ANK2: variants seen among roughly 807,000 people sequenced by gnomAD.
The protein encoded by ANK2 is ankyrin 2.
Under a neutral mutation model 360.5 loss-of-function variants are expected in ANK2, and 83 were observed. The ratio of observed to expected loss-of-function variants is 0.23; its 90% confidence interval spans 0.19 to 0.28. The LOEUF is 0.28. ANK2 is among the 10% of genes least tolerant of loss of function. ANK2 has a pLI of 1.00. For missense variants in ANK2, 4,201 were observed against 4,795.7 expected, an observed-to-expected ratio of 0.88 and a Z score of 3.66; for synonymous variants, 1,740 against 1,759.5, an observed-to-expected ratio of 0.99 and a Z score of 0.28.
At chr4:112,995,724 A>G (rs780568637) in intron 2 of ANK2, among the ~76,000 whole-genome samples, 6 of 152,088 alleles carry the variant, frequency 3.9e-5, no homozygotes, top group Admixed American at 6.6e-5. Flanking sequence ...ATAGTTTTAG[A>G]TCTTACATTT....
the ANK2 span, among the ~76,000 whole-genome samples, chr4:112,780,606 A>G: frequency 6.6e-6 from 1 of 152,208 alleles, no homozygotes; most frequent in South Asian, 2.1e-4. Context: ...ACAGCTATGA[A>G]GATACTACCG....
At chr4:113,332,156 G>A (rs2092614198) in intron 28 of ANK2, 86 bp downstream of exon 28, 1 of 1,223,146 alleles carries the variant, frequency 8.2e-7, no homozygotes, top group Non-Finnish European at 1.2e-6. Flanking sequence ...TTTTGTCATT[G>A]TGCCCATGAC....
In ANK2 at chr4:113,058,231, A is replaced by C. The variant is rs184801136; in HGVS notation, c.84+8419A>C. Among the ~76,000 whole-genome samples, 202 of 152,278 alleles carry C rather than the reference A, an allele frequency of 1.3e-3. 2 individuals are homozygous for C. Among genetic ancestry groups the C allele is most frequent in the Middle Eastern group, 0.01 (3 of 294 alleles). ...GGAATAAAGGGGTGTTTTTGAAATA[A>C]AACTATAGAAACAGAGCTAAGTGTT... On this transcript the variant is annotated intron_variant, in intron 1 of 45. Transcript: ENST00000357077.
chr4:112,936,542 T>A lies in ANK2; in HGVS notation c.21+32028T>A, dbSNP rs1197547495. On this transcript the variant is annotated intron_variant, in intron 2 of 30. Coordinates refer to the ANK2 transcript ENST00000503271. ...TGTATTTTTAGTAGAGATAGGGTTT[T>A]ACCATGTGGATCAGGCTGGTCTCGA... Among the ~76,000 whole-genome samples, 19 of 152,166 alleles carry A rather than the reference T, an allele frequency of 1.2e-4. No individual in the cohort carries two copies. The East Asian group carries it at 3.5e-3, about 28-fold the overall frequency.
intron 2 of ANK2, among the ~76,000 whole-genome samples, chr4:112,927,719 T>A (rs188367660): frequency 4.6e-5 from 7 of 152,356 alleles, no homozygotes; most frequent in African/African-American, 1.4e-4. Flanking sequence ...ACTATAGTCA[T>A]AAACTCCATT....
chr4:113,078,478 T>C (rs982527048), intron 1 of ANK2, among the ~76,000 whole-genome samples: 1 of 152,218 alleles, frequency 6.6e-6, no homozygotes, highest in Non-Finnish European at 1.5e-5. Flanking sequence ...GAGTTACTGG[T>C]AACTTAGGGG....
At chr4:113,374,177 GC>G (rs1442519959) in intron 45 of ANK2, among the ~76,000 whole-genome samples, 2 of 152,166 alleles carry the variant, frequency 1.3e-5, no homozygotes, top group Non-Finnish European at 2.9e-5. Context: ...ACCCGCCTCA[GC>G]CTCCCAAAGT....
chr4:112,754,440 G>T, the ANK2 span, among the ~76,000 whole-genome samples: 1 of 151,156 alleles, frequency 6.6e-6, no homozygotes, highest in African/African-American at 2.4e-5. Context: ...AAAAGCAGAG[G>T]TAGCAAACTG....
chr4:112,997,050 G>A lies in ANK2; in HGVS notation c.21+92536G>A, dbSNP rs1188220978. On this transcript the variant is annotated intron_variant, in intron 2 of 30. Transcript: ENST00000503271. ...AGATTATGACAAAGTTTATTTTCCT[G>A]TATTTTTCAAACTGCACATATGTCC... 2.6e-5 allele frequency among the ~76,000 whole-genome samples: 4 copies of A among 151,566 alleles called. No homozygotes were observed. In the South Asian group the frequency reaches 6.2e-4, roughly 24 times the overall value.
intron 1 of ANK2, among the ~76,000 whole-genome samples, chr4:113,163,975 AC>A (rs2097659935): frequency 6.6e-6 from 1 of 151,424 alleles, no homozygotes; most frequent in Non-Finnish European, 1.5e-5. Flanking sequence ...CCATTTCTCT[AC>A]CCCCTCCCCC....
intron 31 of ANK2, among the ~76,000 whole-genome samples, chr4:113,337,520 C>T (rs901778735): frequency 1.3e-5 from 2 of 152,120 alleles, no homozygotes; most frequent in African/African-American, 4.8e-5. Flanking sequence ...TCAATAATTA[C>T]ATGGTGTTGG....
the ANK2 span, among the ~76,000 whole-genome samples, chr4:112,810,141 ATATATATATATATATATATTTTTTTTT>A: frequency 7.7e-5 from 2 of 26,058 alleles, no homozygotes; most frequent in African/African-American, 4.9e-4. Context: ...ATATATATAT[ATATATATATATATATATATTTTTTTTT>A]TTTTTTTTTT....
the ANK2 span, among the ~76,000 whole-genome samples, chr4:112,786,655 G>T: frequency 6.6e-6 from 1 of 151,478 alleles, no homozygotes; most frequent in African/African-American, 2.4e-5. Flanking sequence ...CTCCTGAAGT[G>T]TTGGGATTAT....
chr4:112,930,031 A>G (rs1048283417), intron 2 of ANK2, among the ~76,000 whole-genome samples: 3 of 152,170 alleles, frequency 2.0e-5, no homozygotes, highest in Non-Finnish European at 4.4e-5. Context: ...TTTGCTTCCA[A>G]TGTCACATAA....
At chr4:113,274,809 A>G (rs2059652112) in intron 15 of ANK2, among the ~76,000 whole-genome samples, 160 bp downstream of exon 15, 1 of 152,216 alleles carries the variant, frequency 6.6e-6, no homozygotes, top group African/African-American at 2.4e-5. Context: ...ATTTAATAGA[A>G]TTGTGAGATT....
At chr4:112,906,266 A>G (rs1244506945) in intron 2 of ANK2, among the ~76,000 whole-genome samples, 4 of 152,204 alleles carry the variant, frequency 2.6e-5, no homozygotes, top group African/African-American at 7.2e-5. Context: ...AGTTTTACAT[A>G]TAAATGTCCT....
the ANK2 span, among the ~76,000 whole-genome samples, chr4:112,735,910 C>CATA: frequency 6.6e-6 from 1 of 152,104 alleles, no homozygotes; most frequent in Admixed American, 6.6e-5. Flanking sequence ...ATAGGTGACT[C>CATA]ATATAAGTGG....
intron 1 of ANK2, among the ~76,000 whole-genome samples, chr4:112,845,684 G>GTGTGGGTTTAATAT: frequency 1.3e-5 from 2 of 152,280 alleles, no homozygotes; most frequent in Admixed American, 1.3e-4. Flanking sequence ...CCCTTCCTTT[G>GTGTGGGTTTAATAT]TGTCTGTGTG....
intron 28 of ANK2, 36 bp downstream of exon 28, chr4:113,332,106 C>A: frequency 6.6e-7 from 1 of 1,521,510 alleles, no homozygotes; most frequent in Non-Finnish European, 9.1e-7. Context: ...TGGCTGCTGG[C>A]CCCCCATTCT....
Sources: allele counts gnomAD v4.1 joint callset (sites outside exome capture counted in the v4.1 genomes callset), GRCh38; gene constraint gnomAD v4.1.1; transcripts MANE v1.5; gene names NCBI Gene and HGNC (gene_info 2026-07-23, HGNC 2026-07-21).